Variants in TFB2M observed in about 807,000 individuals in gnomAD.
TFB2M encodes the protein transcription factor B2, mitochondrial.
TFB2M carries 44 observed loss-of-function variants against 41.3 expected under a neutral mutation model. That is an observed-to-expected ratio of 1.07 (90% CI 0.84 to 1.37). The LOEUF (loss-of-function observed/expected upper bound fraction) is 1.37. TFB2M is among the 40% of genes most tolerant of loss of function. The probability of loss-of-function intolerance (pLI) is 0.00; values close to 1 mark genes in which losing one functional copy is unlikely to be tolerated. For missense variants in TFB2M, 496 were observed against 490.2 expected (o/e 1.01, Z -0.11); for synonymous variants, 188 against 176.8 (o/e 1.06, Z -0.50).
chr1:246,540,945 T>C lies in TFB2M; in HGVS notation c.*86A>G. On this transcript the variant is annotated 3_prime_UTR_variant, in exon 8 of 8. Coordinates refer to ENST00000366514, the MANE Select transcript of TFB2M (RefSeq NM_022366.3). The stretch of plus-strand genomic sequence containing the variant: ...CAAGACAAGAACAGTTACCTTCTGC[T>C]GAAAGGATGTGAGTTTTCAAATTTG... 1 of 1,345,138 alleles carries C rather than the reference T, an allele frequency of 7.4e-7. No individual in the cohort carries two copies. The highest frequency in any genetic ancestry group is 1.4e-5 in the South Asian group (1 of 70,544). The allele number at this position is 1,345,138 out of a possible 1,614,324, so 83.3% of individuals were successfully genotyped here.
At position 246,565,990 on chromosome 1, in the gene TFB2M, T is replaced by G. The variant is rs1402192924; in HGVS notation, c.149A>C (p.Gln50Pro). The change falls in exon 1 of 8, where the codon CAG (glutamine) becomes CCG (proline). Residue 50 changes from glutamine to proline, a missense_variant. Physicochemically the swap from Gln to Pro is moderately conservative, Grantham distance 76. Coordinates refer to ENST00000366514, the MANE Select transcript of TFB2M (RefSeq NM_022366.3). The part of the protein sequence containing the change: ...NHCGLSDSSP[Q>P]LWPEPDFRNP... Reference sequence around the variant, plus strand: ...CCTGAAATCCGGTTCGGGCCACAGCTGCGGAGAGGAGTCAGAGAGCCCACA... The same window carrying G: ...CCTGAAATCCGGTTCGGGCCACAGCGGCGGAGAGGAGTCAGAGAGCCCACA... 6.2e-7 allele frequency: 1 copy of G among 1,614,168 alleles called. No individual in the cohort carries two copies. The highest frequency in any genetic ancestry group is 8.5e-7 in the Non-Finnish European group (1 of 1,180,028).
intron 2 of TFB2M, 88 bp from the exon 3 acceptor site, chr1:246,557,622 T>C (rs1659359357): frequency 2.8e-6 from 3 of 1,065,564 alleles, no homozygotes; most frequent in African/African-American, 1.7e-5. Flanking sequence ...CAAAAAACCA[T>C]AATAAAATGT....
chr1:246,566,209 C>T lies in TFB2M; in HGVS notation c.-71G>A. On this transcript the variant is annotated 5_prime_UTR_variant, in exon 1 of 8. Coordinates refer to ENST00000366514, the MANE Select transcript of TFB2M (RefSeq NM_022366.3). ...CTACAGTGAACCCCACGCAGGGTATCCCACGTGGAACATTTTCTGGCGTCC... is the reference window on the plus strand; with the variant it reads ...CTACAGTGAACCCCACGCAGGGTATTCCACGTGGAACATTTTCTGGCGTCC... 6.7e-7 allele frequency: 1 copy of T among 1,490,572 alleles called. No individual in the cohort carries two copies. Among genetic ancestry groups the T allele is most frequent in the East Asian group, 2.3e-5 (1 of 43,426 alleles). 92.3% of individuals were successfully genotyped at this position (1,490,572 alleles called of 1,614,324 possible). A position where few individuals can be genotyped will look rare whatever the true frequency, so the allele number is the denominator to read the frequency against.
intron 6 of TFB2M, among the ~76,000 whole-genome samples, chr1:246,546,560 G>A (rs981036649): frequency 2.9e-4 from 44 of 151,106 alleles, no homozygotes; most frequent in African/African-American, 1.1e-3. Flanking sequence ...GTTGCAATGA[G>A]CCAAGATCAT....
At chr1:246,561,478 T>C (rs1172638661) in intron 2 of TFB2M, among the ~76,000 whole-genome samples, 1 of 152,226 alleles carries the variant, frequency 6.6e-6, no homozygotes, top group Non-Finnish European at 1.5e-5. Context: ...GGTTTTTTTT[T>C]TCTTTTGAGA....
chr1:246,548,477 C>G, intron 6 of TFB2M, 68 bp downstream of exon 6: 3 of 1,370,212 alleles, frequency 2.2e-6, no homozygotes, highest in Non-Finnish European at 3.0e-6. Flanking sequence ...ACCAAATAGT[C>G]CTAAAAAAAT....
At chr1:246,548,759 CAT>C (rs1659092070) in intron 5 of TFB2M, 152 bp from the exon 6 acceptor site, 5 of 589,096 alleles carry the variant, frequency 8.5e-6, no homozygotes, top group Admixed American at 6.6e-5. Flanking sequence ...AAATAATACA[CAT>C]CTCTCTCCTT....
intron 5 of TFB2M, among the ~76,000 whole-genome samples, chr1:246,549,252 T>C (rs1338476177): frequency 6.6e-6 from 1 of 151,798 alleles, no homozygotes; most frequent in African/African-American, 2.4e-5. Context: ...TCGGTATCTA[T>C]CTTTTGTAAG....
chr1:246,553,106 C>A (rs1659228876), intron 4 of TFB2M, among the ~76,000 whole-genome samples: 1 of 152,086 alleles, frequency 6.6e-6, no homozygotes, highest in African/African-American at 2.4e-5. Context: ...CCTGTAATCC[C>A]AGCTATTCAG....
At chr1:246,546,320 G>GAAAAAAAAAAAAAGA (rs200132271) in intron 6 of TFB2M, among the ~76,000 whole-genome samples, 9 of 146,934 alleles carry the variant, frequency 6.1e-5, no homozygotes, top group East Asian at 4.0e-4. Context: ...TTTAAAAAAA[G>GAAAAAAAAAAAAAGA]AAAAAAAAAT....
At chr1:246,550,709 C>G (rs1044010209) in intron 5 of TFB2M, among the ~76,000 whole-genome samples, 1 of 152,134 alleles carries the variant, frequency 6.6e-6, no homozygotes, top group African/African-American at 2.4e-5. Context: ...TGTGGTGAAA[C>G]CTGTCTCTAC....
Position 246,546,115 on chromosome 1 carries a change from G to A in TFB2M, c.859-1434C>T, listed in dbSNP as rs180705417. Reference sequence around the variant, plus strand: ...GGATCGCTGGAGCCCAAGAGTTAGCGACCAGCCTGGGCAACACAGGGAGAC... The same window carrying A: ...GGATCGCTGGAGCCCAAGAGTTAGCAACCAGCCTGGGCAACACAGGGAGAC... On this transcript the variant is annotated intron_variant, in intron 6 of 7. Transcript: ENST00000366514. 1.3e-3 allele frequency among the ~76,000 whole-genome samples: 191 copies of A among 151,486 alleles called. 1 individual carries two copies. The highest frequency in any genetic ancestry group is 4.4e-3 in the African/African-American group (184 of 41,382).
At chr1:246,561,277 TAGAGA>T (rs765154419) in intron 2 of TFB2M, among the ~76,000 whole-genome samples, 62 of 152,320 alleles carry the variant, frequency 4.1e-4, no homozygotes, top group Admixed American at 1.4e-3. Flanking sequence ...AGAGCCTTAA[TAGAGA>T]AAAAACTAGT....
At chr1:246,544,736 C>A in intron 6 of TFB2M, 55 bp from the exon 7 acceptor site, 1 of 1,474,946 alleles carries the variant, frequency 6.8e-7, no homozygotes, top group Non-Finnish European at 9.2e-7. Flanking sequence ...CAGAGTAAGA[C>A]ATTGCTCACT....
At chr1:246,553,552 C>T (rs553194720) in intron 4 of TFB2M, among the ~76,000 whole-genome samples, 1 of 152,234 alleles carries the variant, frequency 6.6e-6, no homozygotes, top group African/African-American at 2.4e-5. Flanking sequence ...CCTGTAGTCC[C>T]ACCTACTGGG....
At chr1:246,550,820 T>C (rs986600653) in intron 5 of TFB2M, among the ~76,000 whole-genome samples, 3 of 151,922 alleles carry the variant, frequency 2.0e-5, no homozygotes, top group African/African-American at 4.8e-5. Context: ...GATGTAGAGG[T>C]TGCAGTGAGC....
intron 6 of TFB2M, among the ~76,000 whole-genome samples, chr1:246,544,972 A>C (rs370771845): frequency 1.3e-5 from 2 of 151,840 alleles, no homozygotes; most frequent in African/African-American, 2.4e-5. Context: ...CGCCTGGCTA[A>C]TTTTTTGTAT....
chr1:246,561,510 C>T (rs1572092441), intron 2 of TFB2M, among the ~76,000 whole-genome samples: 1 of 152,040 alleles, frequency 6.6e-6, no homozygotes, highest in African/African-American at 2.4e-5. Context: ...TCCTGTAGCC[C>T]AGGCTGGAGT....
chr1:246,556,226 T>C (rs1427560972), intron 4 of TFB2M, among the ~76,000 whole-genome samples: 1 of 152,050 alleles, frequency 6.6e-6, no homozygotes, highest in Admixed American at 6.6e-5. Context: ...TTACATGAGG[T>C]AAAGAGAATA....
Sources: gnomAD v4.1 joint callset for allele counts (sites outside exome capture counted in the v4.1 genomes callset) on GRCh38, gnomAD v4.1.1 for gene constraint, MANE v1.5 for transcripts, NCBI Gene and HGNC (gene_info 2026-07-23, HGNC 2026-07-21) for gene names.